The following EVL variants were observed in gnomAD, a reference collection of about 807,000 sequenced individuals.
EVL encodes ena/VASP-like protein.
Under a neutral mutation model 59.6 loss-of-function variants are expected in EVL, and 21 were observed. The ratio of observed to expected loss-of-function variants is 0.35; its 90% CI spans 0.25 to 0.51. The LOEUF (loss-of-function observed/expected upper bound fraction) is 0.51. EVL is among the 20% of genes least tolerant of loss of function. The pLI, the probability that EVL is intolerant of heterozygous loss-of-function variation, is 0.97. For missense variants in EVL, 462 were observed against 546.6 expected, an observed-to-expected ratio of 0.85 and a Z score of 1.54; for synonymous variants, 198 against 203.5, an observed-to-expected ratio of 0.97 and a Z score of 0.23.
intron 1 of EVL, chr14:100,074,561 G>A (rs1249995053): frequency 6.6e-6 from 1 of 152,632 alleles, no homozygotes; most frequent in Non-Finnish European, 1.5e-5. Flanking sequence ...CCAGACCTGG[G>A]GCAGAGCTGG....
intron 3 of EVL, among the ~76,000 whole-genome samples, chr14:100,120,947 C>T (rs549952944): frequency 3.9e-5 from 6 of 152,298 alleles, no homozygotes; most frequent in African/African-American, 7.2e-5. Flanking sequence ...CGTTACCTAA[C>T]GAGCCGTGGG....
chr14:100,000,568 C>T (rs1253913326), intron 1 of EVL, among the ~76,000 whole-genome samples: 2 of 151,982 alleles, frequency 1.3e-5, no homozygotes, highest in Admixed American at 6.6e-5. Context: ...AGAATGGTCC[C>T]GATCTCCTGA....
chr14:100,097,234 C>G lies in EVL; in HGVS notation c.181-247C>G, dbSNP rs1193581297. Among the ~76,000 whole-genome samples the G allele has an allele frequency of 2.0e-5, 3 of 152,282 alleles. No individual in the cohort carries two copies. In the East Asian group the frequency reaches 5.8e-4, roughly 29 times the overall value. The stretch of plus-strand genomic sequence containing the variant: ...GAGCCAGGGAACCTGCCTCCCAGCT[C>G]AGCTGTTCATCTGGAGGTTGTAACT... On this transcript the variant is annotated intron_variant, in intron 2 of 13. Transcript: ENST00000392920.
At chr14:99,992,555 T>G (rs1203702576) in intron 1 of EVL, among the ~76,000 whole-genome samples, 1 of 152,224 alleles carries the variant, frequency 6.6e-6, no homozygotes, top group East Asian at 1.9e-4. Context: ...TTAGGAGTGT[T>G]ATAGGTGTTA....
At chr14:100,128,877 C>G (rs567244602) in intron 6 of EVL, 129 bp downstream of exon 6, 2 of 731,326 alleles carry the variant, frequency 2.7e-6, no homozygotes, top group South Asian at 1.8e-5. Context: ...CTAGCTGGCC[C>G]TTGGCCACTT....
At chr14:100,016,921 CA>C (rs1177984625) in intron 1 of EVL, among the ~76,000 whole-genome samples, 7 of 152,158 alleles carry the variant, frequency 4.6e-5, no homozygotes, top group African/African-American at 7.2e-5. Flanking sequence ...TAAAATAGCC[CA>C]AAAGGGTCAG....
intron 1 of EVL, among the ~76,000 whole-genome samples, chr14:99,993,284 T>C (rs2140179576): frequency 6.6e-6 from 1 of 152,202 alleles, no homozygotes; most frequent in African/African-American, 2.4e-5. Flanking sequence ...GGTCTCAATC[T>C]CCTGACCTCG....
chr14:100,082,792 A>G (rs1192494612), intron 1 of EVL, among the ~76,000 whole-genome samples: 1 of 152,232 alleles, frequency 6.6e-6, no homozygotes, highest in African/African-American at 2.4e-5. Flanking sequence ...ACCACATCAC[A>G]GTGCTGAGAA....
chr14:99,994,233 A>T (rs1412510344), intron 1 of EVL, among the ~76,000 whole-genome samples: 1 of 145,438 alleles, frequency 6.9e-6, no homozygotes, highest in Admixed American at 7.3e-5. Context: ...CAACCAATCT[A>T]TGTCTTTTAA....
Position 100,028,049 on chromosome 14 carries a change from A to G in EVL, c.5+55992A>G, listed in dbSNP as rs189795202. Among the ~76,000 whole-genome samples the G allele has an allele frequency of 2.4e-4, 36 of 151,336 alleles. 1 individual carries two copies. The highest frequency in any genetic ancestry group is 3.4e-3 in the Middle Eastern group (1 of 292). On this transcript the variant is annotated intron_variant, in intron 1 of 13. Transcript: ENST00000402714. Reference sequence around the variant, plus strand: ...TAAAATCAGTCTCTTCAGTATACCAATTTCCTTTCTTTTGGATATATATTT... The same window carrying G: ...TAAAATCAGTCTCTTCAGTATACCAGTTTCCTTTCTTTTGGATATATATTT...
intron 1 of EVL, among the ~76,000 whole-genome samples, chr14:100,083,006 A>G (rs1356083040): frequency 6.6e-6 from 1 of 152,186 alleles, no homozygotes; most frequent in African/African-American, 2.4e-5. Flanking sequence ...TGGCTGCCAC[A>G]CAGGGACTCT....
intron 7 of EVL, among the ~76,000 whole-genome samples, chr14:100,132,173 T>TA (rs1888477137): frequency 6.6e-6 from 1 of 151,248 alleles, no homozygotes; most frequent in Admixed American, 6.6e-5. Context: ...ACGAACCGAC[T>TA]CAAGGGCGTC....
intron 4 of EVL, among the ~76,000 whole-genome samples, chr14:100,124,291 A>G (rs1211770304): frequency 6.6e-6 from 1 of 152,192 alleles, no homozygotes; most frequent in Admixed American, 6.5e-5. Context: ...CTCTGTGGCT[A>G]CACTTATGTC....
intron 13 of EVL, chr14:100,142,039 C>T (rs963834615): frequency 3.6e-5 from 14 of 387,984 alleles, no homozygotes; most frequent in East Asian, 8.4e-5. Flanking sequence ...TCCACATCCC[C>T]GGCACCTTCC....
At chr14:99,971,497 C>G (rs1595531916) in exon 1 of EVL, 1 of 151,726 alleles carries the variant, frequency 6.6e-6, no homozygotes, top group South Asian at 2.1e-4. Context: ...CGCGCGCGCT[C>G]ATTCACCTCA....
intron 1 of EVL, among the ~76,000 whole-genome samples, chr14:100,029,593 C>T (rs761234230): frequency 3.3e-5 from 5 of 152,068 alleles, no homozygotes; most frequent in Admixed American, 1.3e-4. Context: ...ATACAGATAA[C>T]GTGCTGTGGC....
chr14:100,001,770 T>G, intron 1 of EVL, among the ~76,000 whole-genome samples: 1 of 152,244 alleles, frequency 6.6e-6, no homozygotes. Context: ...ACAGGGACTG[T>G]GTAGACAAGG....
intron 1 of EVL, among the ~76,000 whole-genome samples, chr14:100,035,338 G>GGT (rs1555414766): frequency 3.4e-4 from 50 of 149,080 alleles, no homozygotes; most frequent in Non-Finnish European, 1.8e-4. Context: ...CAGTGTATGT[G>GGT]TTTTTTTTTC....
chr14:100,103,470 T>G (rs941896), intron 3 of EVL, among the ~76,000 whole-genome samples: 1 of 152,084 alleles, frequency 6.6e-6, no homozygotes, highest in African/African-American at 2.4e-5. Context: ...TTCCTCCTCC[T>G]TCAACTTCTG....
Sources: gnomAD v4.1 joint callset for allele counts (sites outside exome capture counted in the v4.1 genomes callset) on GRCh38, gnomAD v4.1.1 for gene constraint, MANE v1.5 for transcripts, NCBI Gene and HGNC (gene_info 2026-07-23, HGNC 2026-07-21) for gene names.